The following KCTD3 variants were observed in gnomAD, a reference collection of about 807,000 sequenced individuals.
The protein encoded by KCTD3 is potassium channel tetramerization domain containing 3.
A neutral mutation model predicts 85.8 loss-of-function variants in KCTD3; 41 were observed. That is an observed-to-expected ratio of 0.48 (90% CI 0.37 to 0.62). The LOEUF (loss-of-function observed/expected upper bound fraction) is 0.62. Ranked by LOEUF, KCTD3 falls within the 20% of genes least tolerant of loss-of-function variation. The pLI, the probability that KCTD3 is intolerant of heterozygous loss-of-function variation, is 0.00. For missense variants in KCTD3, 724 were observed against 989.9 expected, an observed-to-expected ratio of 0.73 and a Z score of 3.60; for synonymous variants, 338 against 345.4, an observed-to-expected ratio of 0.98 and a Z score of 0.24.
intron 4 of KCTD3, among the ~76,000 whole-genome samples, chr1:215,577,426 A>G (rs957872212): frequency 4.6e-5 from 7 of 152,150 alleles, no homozygotes; most frequent in Non-Finnish European, 7.4e-5. Flanking sequence ...TTAGTGACCC[A>G]ATTCATATAT....
intron 14 of KCTD3, among the ~76,000 whole-genome samples, chr1:215,608,845 A>G (rs1454126528): frequency 4.6e-5 from 7 of 151,990 alleles, no homozygotes; most frequent in Admixed American, 4.6e-4. Context: ...TATTTTTAGA[A>G]AGAGAAATAT....
intron 15 of KCTD3, among the ~76,000 whole-genome samples, chr1:215,615,779 G>A (rs535302010): frequency 1.3e-5 from 2 of 152,156 alleles, no homozygotes; most frequent in South Asian, 2.1e-4. Flanking sequence ...TATATGACAC[G>A]AGAGCCTTCA....
At chr1:215,594,106 C>T (rs1157731992) in intron 9 of KCTD3, among the ~76,000 whole-genome samples, 6 of 152,090 alleles carry the variant, frequency 3.9e-5, no homozygotes, top group Non-Finnish European at 7.4e-5. Flanking sequence ...GTGATCCACC[C>T]GCCCTGGCCT....
At chr1:215,610,767 A>AT (rs1237250160) in intron 14 of KCTD3, among the ~76,000 whole-genome samples, 1 of 151,870 alleles carries the variant, frequency 6.6e-6, no homozygotes, top group African/African-American at 2.4e-5. Context: ...TTGGTGCCTT[A>AT]TTTTTTTCAT....
chr1:215,573,703 G>A, intron 1 of KCTD3, 83 bp from the exon 2 acceptor site: 1 of 748,454 alleles, frequency 1.3e-6, no homozygotes, highest in South Asian at 1.8e-5. Context: ...TAAATCATTA[G>A]CCAGTGTATT....
In KCTD3 at chr1:215,578,090, A is replaced by C. The variant is rs1659657732; in HGVS notation, c.397+9A>C. 1 of 1,606,396 alleles carries C rather than the reference A, an allele frequency of 6.2e-7. No homozygotes were observed. The highest frequency in any genetic ancestry group is 8.5e-7 in the Non-Finnish European group (1 of 1,175,332). On this transcript the variant is annotated intron_variant, in intron 6 of 17. Coordinates refer to ENST00000259154, the MANE Select transcript of KCTD3 (RefSeq NM_016121.5). ...TTACTTGCCCCCACCAGGTATTTTC[A>C]CTTTATTAAATCTTTTAAAAAATTC...
At position 215,618,891 on chromosome 1, in the gene KCTD3, G is replaced by A; in HGVS notation, c.1568G>A (p.Cys523Tyr). ...VRLSSTGKRI[C>Y]EIQAVDCTTI... ...TTTCTGCTTTTCTTTTGCAGAATAT[G>A]TGAGATCCAGGCTGTTGACTGTACT... Residue 523 changes from cysteine to tyrosine, a missense_variant, in exon 16 of 18, where the codon TGT (cysteine) becomes TAT (tyrosine). Around this residue, in one of 6 missense-constraint regions of KCTD3, gnomAD observed 136 missense variants for 197.6 expected, o/e 0.69. Coordinates refer to ENST00000259154, the MANE Select transcript of KCTD3 (RefSeq NM_016121.5). 1 of 1,593,264 alleles carries A rather than the reference G, an allele frequency of 6.3e-7. No individual in the cohort carries two copies. Among genetic ancestry groups the A allele is most frequent in the Non-Finnish European group, 8.5e-7 (1 of 1,174,712 alleles).
At chr1:215,585,357 G>A (rs1434599593) in intron 8 of KCTD3, among the ~76,000 whole-genome samples, 1 of 152,116 alleles carries the variant, frequency 6.6e-6, no homozygotes, top group Non-Finnish European at 1.5e-5. Context: ...GAAATCATTA[G>A]TTCTTCAAAT....
intron 15 of KCTD3, among the ~76,000 whole-genome samples, chr1:215,612,937 C>T (rs1380529088): frequency 1.3e-5 from 2 of 152,040 alleles, no homozygotes; most frequent in African/African-American, 2.4e-5. Flanking sequence ...GATGAGAACA[C>T]ATGGACACAT....
At position 215,618,991 on chromosome 1, in the gene KCTD3, C is replaced by T. The variant is rs1333530350; in HGVS notation, c.1668C>T (p.Phe556=). The part of the protein sequence containing the change: ...RMGSRPRRYL[F]TGHTNGSIQM... The stretch of plus-strand genomic sequence containing the variant: ...GCTCAAGACCAAGGCGCTACTTGTT[C>T]ACAGGCCATACAAATGGCAGTATTC... The change falls in exon 16 of 18, where the codon TTC becomes TTT. Residue 556 remains phenylalanine, a synonymous_variant. Coordinates refer to ENST00000259154, the MANE Select transcript of KCTD3 (RefSeq NM_016121.5). 5 of 1,613,752 alleles carry T rather than the reference C, an allele frequency of 3.1e-6. No homozygotes were observed. The African/African-American group carries it at 6.7e-5, about 22-fold the overall frequency.
chr1:215,598,984 C>CTA (rs1654718117), intron 10 of KCTD3, among the ~76,000 whole-genome samples: 1 of 152,100 alleles, frequency 6.6e-6, no homozygotes, highest in African/African-American at 2.4e-5. Flanking sequence ...TTTAAATGTG[C>CTA]TATAATAAAA....
intron 11 of KCTD3, 37 bp from the exon 12 acceptor site, chr1:215,602,048 A>G (rs902941500): frequency 2.1e-6 from 3 of 1,415,354 alleles, no homozygotes; most frequent in Non-Finnish European, 2.0e-6. Flanking sequence ...TAGATATGCT[A>G]TTTATTTTAA....
chr1:215,596,124 G>A (rs1007384564), intron 10 of KCTD3, among the ~76,000 whole-genome samples: 3 of 152,100 alleles, frequency 2.0e-5, no homozygotes, highest in African/African-American at 7.2e-5. Context: ...TAAAATGACA[G>A]GTCTGCTGTC....
At chr1:215,616,116 GA>G (rs1258033803) in intron 15 of KCTD3, among the ~76,000 whole-genome samples, 1 of 152,202 alleles carries the variant, frequency 6.6e-6, no homozygotes, top group Non-Finnish European at 1.5e-5. Flanking sequence ...TGGGGAAAAA[GA>G]AGATTGTCTC....
At position 215,576,494 on chromosome 1, in the gene KCTD3, T is replaced by C. The variant is rs539558282; in HGVS notation, c.257+520T>C. Among the ~76,000 whole-genome samples the C allele has an allele frequency of 8.5e-5, 13 of 152,174 alleles. No individual in the cohort carries two copies. In the South Asian group the frequency reaches 2.7e-3, roughly 32 times the overall value. On this transcript the variant is annotated intron_variant, in intron 4 of 17. Transcript: ENST00000259154. ...AAGAAGCTGAGGCAGGAGGATCCCT[T>C]GAGGCCGGGAGTTTGAGGCTGCAGT...
chr1:215,618,775 C>G lies in KCTD3; in HGVS notation c.1563-111C>G, dbSNP rs138842433. ...AAATTTTAAATGATTTTTTAAAAGT[C>G]TTTTCTAGTATAACATGTTTGCTTT... On this transcript the variant is annotated intron_variant, in intron 15 of 17. Transcript: ENST00000259154. 2.3e-4 allele frequency: 181 copies of G among 792,210 alleles called. No individual in the cohort carries two copies. In the Middle Eastern group the frequency reaches 4.7e-3, roughly 21 times the overall value. 49.1% of individuals were successfully genotyped at this position (792,210 alleles called of 1,614,324 possible).
chr1:215,574,432 T>C (rs988518662), intron 3 of KCTD3, among the ~76,000 whole-genome samples: 3 of 152,176 alleles, frequency 2.0e-5, no homozygotes, highest in Non-Finnish European at 4.4e-5. Context: ...GTAAATATTC[T>C]AATATTTTTA....
chr1:215,605,846 T>G (rs1654998793), intron 13 of KCTD3, among the ~76,000 whole-genome samples: 1 of 152,128 alleles, frequency 6.6e-6, no homozygotes. Flanking sequence ...TCACTTTTCA[T>G]TGCTGTCAGT....
intron 10 of KCTD3, among the ~76,000 whole-genome samples, chr1:215,597,741 CTCTT>C (rs753972359): frequency 1.1e-4 from 17 of 152,108 alleles, no homozygotes; most frequent in Non-Finnish European, 2.1e-4. Context: ...TTTAGCTTCT[CTCTT>C]TCCTGTTGTG....
Sources: allele counts gnomAD v4.1 joint callset (sites outside exome capture counted in the v4.1 genomes callset), GRCh38; gene constraint gnomAD v4.1.1; regional missense constraint gnomAD v4.1.1; transcripts MANE v1.5; gene names NCBI Gene and HGNC (gene_info 2026-07-23, HGNC 2026-07-21).